Variants in BANP observed in about 807,000 individuals in gnomAD.
The protein encoded by BANP is BTG3 associated nuclear protein, also known as protein BANP.
BANP carries 11 observed loss-of-function variants against 68.1 expected under a neutral mutation model. That is an observed-to-expected ratio of 0.16 (90% confidence interval 0.10 to 0.27). BANP has a LOEUF of 0.27. Among genes scored for constraint, BANP ranks in the 10% least tolerant of loss-of-function variants. The pLI is 1.00. For synonymous variants in BANP, 329 were observed against 303.2 expected (o/e 1.09, Z -0.88); for missense variants, 504 against 722.7 (o/e 0.70, Z 3.47).
intron 10 of BANP, 23 bp downstream of exon 10, chr16:88,035,417 A>G (rs1359893423): frequency 3.1e-6 from 5 of 1,590,128 alleles, no homozygotes; most frequent in Non-Finnish European, 4.3e-6. Context: ...TCGCTGCAGC[A>G]CTGTCCCTGC....
chr16:87,975,579 G>A (rs1345072343), intron 2 of BANP, among the ~76,000 whole-genome samples: 2 of 148,822 alleles, frequency 1.3e-5, no homozygotes, highest in East Asian at 2.0e-4. Context: ...TCCCATGTGC[G>A]GCGTCATGGA....
At chr16:87,986,558 T>G (rs1216759227) in intron 4 of BANP, among the ~76,000 whole-genome samples, 19 of 129,624 alleles carry the variant, frequency 1.5e-4, no homozygotes, top group Non-Finnish European at 3.3e-4. Context: ...CCCATCTGAG[T>G]TTCTAGTTTA....
At chr16:88,055,700 A>T (rs1400204294) in intron 11 of BANP, among the ~76,000 whole-genome samples, 1 of 152,158 alleles carries the variant, frequency 6.6e-6, no homozygotes, top group Non-Finnish European at 1.5e-5. Context: ...TTGTATTTCC[A>T]GGAGGCTTTA....
Position 88,036,941 on chromosome 16 carries a change from C to G in BANP, c.1273-1032C>G, listed in dbSNP as rs1175409598. Among the ~76,000 whole-genome samples, 1 of 152,088 alleles carries G rather than the reference C, an allele frequency of 6.6e-6. No homozygotes were observed. ...TGGGGGCCTGAGTGGCTGCGAGGTGCAGGATCCCAGCAGCACCTTCCAGTG... is the reference window on the plus strand; with the variant it reads ...TGGGGGCCTGAGTGGCTGCGAGGTGGAGGATCCCAGCAGCACCTTCCAGTG... On this transcript the variant is annotated intron_variant, in intron 10 of 13. Transcript: ENST00000682872. The surrounding 1 kb of genome is among the most constrained non-coding windows in gnomAD (Gnocchi z 4.2).
rs561146685 is a variant in BANP, at chr16:87,957,684, C to T, written c.-69+6169C>T. On this transcript the variant is annotated intron_variant, in intron 1 of 13. Coordinates refer to ENST00000682872, the MANE Select transcript of BANP (RefSeq NM_001386991.1). This position sits in a 1 kb window ranked among gnomAD's most constrained non-coding sequence, Gnocchi z 4.3. The stretch of plus-strand genomic sequence containing the variant: ...CTTAATCTTTCTGAAAGTAGAAACG[C>T]GTTTGGATGGAGCCGGGAGGGAGAA... 9.8e-5 allele frequency among the ~76,000 whole-genome samples: 15 copies of T among 152,362 alleles called. No individual in the cohort carries two copies. The highest frequency in any genetic ancestry group is 2.1e-4 in the South Asian group (1 of 4,828).
intron 2 of BANP, among the ~76,000 whole-genome samples, chr16:87,975,479 C>G (rs1245310311): frequency 1.3e-5 from 2 of 152,208 alleles, no homozygotes; most frequent in African/African-American, 2.4e-5. Flanking sequence ...CCTGCCGCGT[C>G]CCTGTGTGCG....
intron 1 of BANP, among the ~76,000 whole-genome samples, chr16:87,961,646 T>C (rs536560515): frequency 6.6e-6 from 1 of 152,334 alleles, no homozygotes; most frequent in East Asian, 1.9e-4. Context: ...GCTATAGTTA[T>C]TTTTCATAAA....
intron 8 of BANP, among the ~76,000 whole-genome samples, chr16:88,031,706 G>A (rs1283479098): frequency 1.3e-5 from 2 of 151,674 alleles, no homozygotes; most frequent in Non-Finnish European, 2.9e-5. Context: ...TGTATTCAGT[G>A]GAATCTAGGT....
chr16:88,072,381 C>T (rs556378889), intron 13 of BANP, among the ~76,000 whole-genome samples, 169 bp downstream of exon 13: 1 of 152,394 alleles, frequency 6.6e-6, no homozygotes, highest in Non-Finnish European at 1.5e-5. Context: ...TCACCGTGAA[C>T]GTGAAGGTGA....
chr16:87,962,337 G>C (rs1184636276), intron 1 of BANP, among the ~76,000 whole-genome samples: 1 of 151,640 alleles, frequency 6.6e-6, no homozygotes, highest in African/African-American at 2.4e-5. Context: ...GAGTAAGACA[G>C]CGTTAATATG....
chr16:88,020,532 C>T (rs536691210), intron 7 of BANP, among the ~76,000 whole-genome samples: 50 of 152,394 alleles, frequency 3.3e-4, no homozygotes, highest in African/African-American at 1.2e-3. Flanking sequence ...ATAGAAACGT[C>T]TGCAACCTGA....
At chr16:87,970,118 G>C (rs922429202) in intron 1 of BANP, 1 of 152,178 alleles carries the variant, frequency 6.6e-6, no homozygotes, top group African/African-American at 2.4e-5. Flanking sequence ...ACATTGGCCA[G>C]GCTGACAGGT....
intron 11 of BANP, among the ~76,000 whole-genome samples, chr16:88,040,515 C>G (rs1390579824): frequency 3.3e-5 from 5 of 150,398 alleles, no homozygotes; most frequent in Non-Finnish European, 5.9e-5. Flanking sequence ...GTCACACGGC[C>G]CATTCGCTCT....
At chr16:87,983,654 G>A (rs1208773393) in intron 3 of BANP, among the ~76,000 whole-genome samples, 2 of 151,968 alleles carry the variant, frequency 1.3e-5, no homozygotes, top group African/African-American at 4.9e-5. Context: ...GCTGTGAGGC[G>A]AATGTGCGTG....
Position 88,033,191 on chromosome 16 carries a change from C to T in BANP, c.1146C>T (p.Ala382=), listed in dbSNP as rs559115820. ...PQPQALHYAL[A]NAQQVQIHQI... is the part of the protein sequence containing the mutation. Reference sequence around the variant, plus strand: ...CGCAGGCCCTGCACTACGCGCTGGCCAACGCACAGCAGGTGCAGATCCACC... The same window carrying T: ...CGCAGGCCCTGCACTACGCGCTGGCTAACGCACAGCAGGTGCAGATCCACC... The change falls in exon 9 of 14, where the codon GCC becomes GCT. Residue 382 remains alanine (A), a synonymous_variant. Transcript: ENST00000682872. 2 of 1,610,808 alleles carry T rather than the reference C, an allele frequency of 1.2e-6. No individual in the cohort carries two copies. Among genetic ancestry groups the T allele is most frequent in the East Asian group, 2.2e-5 (1 of 44,832 alleles).
intron 11 of BANP, among the ~76,000 whole-genome samples, chr16:88,047,351 A>T (rs915111600): frequency 2.6e-5 from 4 of 152,186 alleles, no homozygotes; most frequent in African/African-American, 4.8e-5. Flanking sequence ...CATCTCCGTT[A>T]GGTAGTGAGA....
At chr16:87,970,547 A>AT (rs1229996379) in intron 1 of BANP, among the ~76,000 whole-genome samples, 16 of 152,230 alleles carry the variant, frequency 1.1e-4, no homozygotes, top group African/African-American at 3.1e-4. Flanking sequence ...TAAATGCTTG[A>AT]TTTTTTCTTT....
intron 1 of BANP, among the ~76,000 whole-genome samples, chr16:87,968,498 A>AAAAAG (rs57319850): frequency 6.7e-6 from 1 of 149,504 alleles, no homozygotes; most frequent in Non-Finnish European, 1.5e-5. Flanking sequence ...AAAAAAAAAA[A>AAAAAG]TAAGTTTAGT....
In BANP at chr16:87,957,123, T is replaced by G. The variant is rs940024229; in HGVS notation, c.-69+5608T>G. On this transcript the variant is annotated intron_variant, in intron 1 of 13. Transcript: ENST00000682872. The surrounding 1 kb of genome is among the most constrained non-coding windows in gnomAD (Gnocchi z 4.3). ...TTCGTCAAGAACCGTCCAATTTGATTAAACATTCTGGATCGTCAGCGTTCA... is the reference window on the plus strand; with the variant it reads ...TTCGTCAAGAACCGTCCAATTTGATGAAACATTCTGGATCGTCAGCGTTCA... 1 of 152,232 alleles carries G rather than the reference T, an allele frequency of 6.6e-6. No individual in the cohort carries two copies. Among genetic ancestry groups the G allele is most frequent in the East Asian group, 1.9e-4 (1 of 5,206 alleles). 9.4% of individuals were successfully genotyped at this position (152,232 alleles called of 1,614,324 possible).
Sources: allele counts gnomAD v4.1 joint callset (sites outside exome capture counted in the v4.1 genomes callset), GRCh38; gene constraint gnomAD v4.1.1; non-coding constraint Gnocchi (gnomAD v3.1); transcripts MANE v1.5; gene names NCBI Gene and HGNC (gene_info 2026-07-23, HGNC 2026-07-21).